Variants in CIRSR observed in about 807,000 individuals in gnomAD.
CIRSR encodes CBF1 (RBPJ) interacting corepressor 1.
the CIRSR span, among the ~76,000 whole-genome samples, chr2:174,354,664 T>TAC: frequency 1.1e-5 from 1 of 91,978 alleles, no homozygotes; most frequent in Non-Finnish European, 2.0e-5. Context: ...TATTATATAA[T>TAC]ATATATTATA....
chr2:174,378,981 T>C, the CIRSR span: 1 of 1,614,008 alleles, frequency 6.2e-7, no homozygotes, highest in African/African-American at 1.3e-5. Flanking sequence ...ACAAAGGACA[T>C]TCTCGATCTG....
At chr2:174,350,008 CT>C in the CIRSR span, among the ~76,000 whole-genome samples, 1 of 152,116 alleles carries the variant, frequency 6.6e-6, no homozygotes, top group African/African-American at 2.4e-5. Flanking sequence ...ATAGTTAATA[CT>C]TGTTTTCAAC....
chr2:174,360,062 A>G, the CIRSR span, among the ~76,000 whole-genome samples: 1 of 152,114 alleles, frequency 6.6e-6, no homozygotes, highest in Admixed American at 6.6e-5. Flanking sequence ...GCCTGTTGTG[A>G]GGTGGGGGAA....
chr2:174,381,645 A>T, the CIRSR span: 2 of 1,350,210 alleles, frequency 1.5e-6, no homozygotes, highest in Non-Finnish European at 2.1e-6. Flanking sequence ...CGACAGGGCA[A>T]GACTGTGCCT....
At chr2:174,380,980 T>C in the CIRSR span, among the ~76,000 whole-genome samples, 880 of 152,302 alleles carry the variant, frequency 5.8e-3, 10 homozygotes, top group African/African-American at 0.02. Flanking sequence ...ATTCAGACTA[T>C]TGCAGGACAA....
the CIRSR span, among the ~76,000 whole-genome samples, chr2:174,366,718 A>G: frequency 2.4e-4 from 36 of 152,370 alleles, no homozygotes; most frequent in Admixed American, 2.3e-3. Flanking sequence ...ACTGCAAAAT[A>G]CTGGGTATTA....
chr2:174,367,557 C>G, the CIRSR span, among the ~76,000 whole-genome samples: 3 of 151,628 alleles, frequency 2.0e-5, no homozygotes, highest in African/African-American at 7.3e-5. Flanking sequence ...TCCAGCTGGG[C>G]AACAGACCGA....
the CIRSR span, among the ~76,000 whole-genome samples, chr2:174,393,318 G>C: frequency 6.6e-6 from 1 of 152,094 alleles, no homozygotes; most frequent in Non-Finnish European, 1.5e-5. Context: ...ATAAATGATT[G>C]AGGCAGCGCA....
the CIRSR span, among the ~76,000 whole-genome samples, chr2:174,386,636 C>T: frequency 2.6e-5 from 4 of 152,160 alleles, no homozygotes; most frequent in Non-Finnish European, 5.9e-5. Flanking sequence ...TTGTGACAAT[C>T]AAAACAATGT....
the CIRSR span, among the ~76,000 whole-genome samples, chr2:174,372,568 A>C: frequency 6.6e-6 from 1 of 152,144 alleles, no homozygotes; most frequent in East Asian, 1.9e-4. Flanking sequence ...TTACTCACTT[A>C]ATATCATTTT....
At chr2:174,363,712 G>C in the CIRSR span, among the ~76,000 whole-genome samples, 1 of 152,198 alleles carries the variant, frequency 6.6e-6, no homozygotes, top group Admixed American at 6.5e-5. Flanking sequence ...CAGGCAAAGA[G>C]AGAGAGCTTG....
At chr2:174,395,420 C>T in the CIRSR span, 1 of 874,028 alleles carries the variant, frequency 1.1e-6, no homozygotes, top group Non-Finnish European at 1.9e-6. Flanking sequence ...AAGGCGAGAC[C>T]ACCAGGGCTT....
the CIRSR span, chr2:174,379,136 A>G: frequency 3.8e-5 from 33 of 869,288 alleles, 1 homozygote; most frequent in South Asian, 3.7e-4. Flanking sequence ...GCTAAATTAC[A>G]TTTTTAAAAG....
chr2:174,384,345 G>C, the CIRSR span, among the ~76,000 whole-genome samples: 2 of 152,182 alleles, frequency 1.3e-5, no homozygotes, highest in African/African-American at 4.8e-5. Context: ...AAAGTAGAAT[G>C]GTGGTTGCCA....
the CIRSR span, among the ~76,000 whole-genome samples, chr2:174,383,849 CAAAAAAAA>C: frequency 6.6e-5 from 8 of 121,468 alleles, no homozygotes; most frequent in Admixed American, 1.6e-4. Context: ...AGCTATCTTC[CAAAAAAAA>C]AAAAAAAAAA....
chr2:174,350,159 A>G, the CIRSR span, among the ~76,000 whole-genome samples: 1 of 140,878 alleles, frequency 7.1e-6, no homozygotes. Context: ...CTGTCTAGCC[A>G]TTCTCAAAAC....
chr2:174,395,680 C>T, the CIRSR span: 12 of 1,613,564 alleles, frequency 7.4e-6, no homozygotes, highest in Admixed American at 1.7e-5. Flanking sequence ...TAAACAAACT[C>T]AGCCGCCTAA....
At chr2:174,354,027 C>G in the CIRSR span, among the ~76,000 whole-genome samples, 1 of 152,180 alleles carries the variant, frequency 6.6e-6, no homozygotes, top group South Asian at 2.1e-4. Flanking sequence ...GTTTTCATCA[C>G]AAGATGGGTA....
At chr2:174,382,183 C>T in the CIRSR span, among the ~76,000 whole-genome samples, 1 of 152,026 alleles carries the variant, frequency 6.6e-6, no homozygotes, top group East Asian at 1.9e-4. Flanking sequence ...AGGGATCAAA[C>T]GGTTTTGTTT....
Sources: allele counts gnomAD v4.1 joint callset (sites outside exome capture counted in the v4.1 genomes callset), GRCh38; gene constraint gnomAD v4.1.1; transcripts MANE v1.5; gene names NCBI Gene and HGNC (gene_info 2026-07-23, HGNC 2026-07-21).